RGS17: variants seen among roughly 807,000 people sequenced by gnomAD.
RGS17 encodes regulator of G protein signaling 17.
In RGS17, 12 loss-of-function variants were observed where a neutral mutation model predicts 25.5. The ratio of observed to expected loss-of-function variants is 0.47; its 90% CI spans 0.30 to 0.76. The LOEUF (loss-of-function observed/expected upper bound fraction) is 0.76. Among genes scored for constraint, RGS17 ranks in the 30% least tolerant of loss-of-function variants. The probability of loss-of-function intolerance (pLI) is 0.07; values close to 1 mark genes in which losing one functional copy is unlikely to be tolerated. For missense variants in RGS17, 196 were observed against 242.2 expected, an observed-to-expected ratio of 0.81 and a Z score of 1.27; for synonymous variants, 71 against 76.9, an observed-to-expected ratio of 0.92 and a Z score of 0.40.
At chr6:153,096,885 T>A (rs972963153) in intron 1 of RGS17, among the ~76,000 whole-genome samples, 1 of 152,154 alleles carries the variant, frequency 6.6e-6, no homozygotes, top group Non-Finnish European at 1.5e-5. Context: ...CTGAAAAACA[T>A]GGCCCAAAGT....
chr6:153,075,536 C>T (rs1050814747), intron 1 of RGS17, among the ~76,000 whole-genome samples: 3 of 152,136 alleles, frequency 2.0e-5, no homozygotes, highest in Non-Finnish European at 4.4e-5. Flanking sequence ...GTCACTGGCA[C>T]GGACTGCTGC....
At chr6:153,084,241 T>C (rs1344216543) in intron 1 of RGS17, among the ~76,000 whole-genome samples, 2 of 152,204 alleles carry the variant, frequency 1.3e-5, no homozygotes, top group Admixed American at 6.5e-5. Context: ...CTACAGTTGC[T>C]CCATTTGGGT....
chr6:153,042,280 G>A (rs946247423), intron 2 of RGS17, among the ~76,000 whole-genome samples: 9 of 152,156 alleles, frequency 5.9e-5, no homozygotes, highest in Non-Finnish European at 7.3e-5. Flanking sequence ...TGGTTTGGCC[G>A]TGTCCCCACC....
intron 1 of RGS17, among the ~76,000 whole-genome samples, chr6:153,069,590 C>T (rs1418317633): frequency 6.6e-6 from 1 of 152,088 alleles, no homozygotes; most frequent in Non-Finnish European, 1.5e-5. Context: ...CTTAATTGTA[C>T]ATTTTAAAAT....
At chr6:153,018,524 TTAA>T (rs1408836067) in intron 4 of RGS17, among the ~76,000 whole-genome samples, 1 of 152,190 alleles carries the variant, frequency 6.6e-6, no homozygotes, top group African/African-American at 2.4e-5. Context: ...TGTAAAGTAA[TTAA>T]TAATAATTGA....
At chr6:153,030,212 A>C (rs189430117) in intron 2 of RGS17, among the ~76,000 whole-genome samples, 262 of 152,298 alleles carry the variant, frequency 1.7e-3, no homozygotes, top group Non-Finnish European at 2.9e-3. Flanking sequence ...GTTTGTTTAC[A>C]GGGGAGTGTG....
chr6:153,011,780 C>G lies in RGS17; in HGVS notation c.445-18G>C, dbSNP rs766451162. Reference sequence around the variant, plus strand: ...AGACTGACCTAAAAAGAAACAAGAGCAAATACATTAAATAATATTTTTTTC... The same window carrying G: ...AGACTGACCTAAAAAGAAACAAGAGGAAATACATTAAATAATATTTTTTTC... On this transcript the variant is annotated intron_variant, in intron 4 of 4. Transcript: ENST00000206262. 1 of 1,526,652 alleles carries G rather than the reference C, an allele frequency of 6.6e-7. No homozygotes were observed. Among genetic ancestry groups the G allele is most frequent in the Non-Finnish European group, 8.8e-7 (1 of 1,140,236 alleles). The allele number at this position is 1,526,652 out of a possible 1,614,324, so 94.6% of individuals were successfully genotyped here.
rs1779073598 is a variant in RGS17 at position 153,006,322 on chromosome 6, G to T, written c.*5252C>A. ...TAATTTGATATTATTTCTGTCCTTG[G>T]GAATGTTGTTTTATTTCCTTTGGAA... On this transcript the variant is annotated 3_prime_UTR_variant, in exon 5 of 5. Transcript: ENST00000206262. 1 of 152,048 alleles carries T rather than the reference G, an allele frequency of 6.6e-6. No individual in the cohort carries two copies. The highest frequency in any genetic ancestry group is 2.1e-4 in the South Asian group (1 of 4,792). The allele number at this position is 152,048 out of a possible 1,614,324, so 9.4% of individuals were successfully genotyped here.
chr6:153,092,902 A>C (rs1777153688), intron 1 of RGS17, among the ~76,000 whole-genome samples: 1 of 152,148 alleles, frequency 6.6e-6, no homozygotes, highest in South Asian at 2.1e-4. Flanking sequence ...AACCAGTGAA[A>C]GGTGGGGGGA....
At chr6:153,060,400 C>G (rs1002825112) in intron 1 of RGS17, among the ~76,000 whole-genome samples, 4 of 152,146 alleles carry the variant, frequency 2.6e-5, no homozygotes, top group Non-Finnish European at 5.9e-5. Context: ...GGCACTTCCC[C>G]CAGAAAATCT....
chr6:153,065,736 G>C (rs1410345548), intron 1 of RGS17, among the ~76,000 whole-genome samples: 1 of 151,944 alleles, frequency 6.6e-6, no homozygotes, highest in Non-Finnish European at 1.5e-5. Flanking sequence ...AAAACAAGTG[G>C]TTATAATAAC....
chr6:153,096,009 G>A lies in RGS17; in HGVS notation c.-26+35115C>T, dbSNP rs550194404. 2.0e-5 allele frequency among the ~76,000 whole-genome samples: 3 copies of A among 152,312 alleles called. No individual in the cohort carries two copies. In the South Asian group the frequency reaches 6.2e-4, roughly 32 times the overall value. On this transcript the variant is annotated intron_variant, in intron 1 of 4. Transcript: ENST00000206262. ...AGCAGGAGTTTTCAAGGAGCAAATA[G>A]TCTTGTGGGAAGAAAGATCTGGGTA...
Position 153,054,102 on chromosome 6 carries a change from A to ATG in RGS17, c.-25-10060_-25-10059insCA, listed in dbSNP as rs1398349694. On this transcript the variant is annotated intron_variant, in intron 1 of 4. Coordinates refer to ENST00000206262, the MANE Select transcript of RGS17 (RefSeq NM_012419.5). ...TACACACAATATTTTTTATATATAT[A>ATG]TATATATATATGTGTATATATATAT... Among the ~76,000 whole-genome samples, 393 of 99,116 alleles carry ATG rather than the reference A, an allele frequency of 4.0e-3. 53 individuals carry two copies. The highest frequency in any genetic ancestry group is 0.011 in the African/African-American group (269 of 24,262). 65.0% of individuals were successfully genotyped at this position (99,116 alleles called of 152,430 possible).
chr6:153,090,583 A>G (rs1404535962), intron 1 of RGS17, among the ~76,000 whole-genome samples: 1 of 151,900 alleles, frequency 6.6e-6, no homozygotes, highest in Non-Finnish European at 1.5e-5. Flanking sequence ...GCTATGATTG[A>G]GCCACTACAC....
At chr6:153,041,327 G>A (rs985422066) in intron 2 of RGS17, among the ~76,000 whole-genome samples, 6 of 152,160 alleles carry the variant, frequency 3.9e-5, no homozygotes, top group African/African-American at 1.2e-4. Context: ...TTCCTGACAA[G>A]GGCATTGCTA....
intron 1 of RGS17, among the ~76,000 whole-genome samples, chr6:153,077,294 GA>G (rs1358842709): frequency 6.6e-6 from 1 of 152,088 alleles, no homozygotes; most frequent in African/African-American, 2.4e-5. Flanking sequence ...CTGTGTAGGG[GA>G]AAAATACAGG....
At chr6:153,027,870 G>T (rs1342362068) in intron 2 of RGS17, among the ~76,000 whole-genome samples, 1 of 152,220 alleles carries the variant, frequency 6.6e-6, no homozygotes, top group Non-Finnish European at 1.5e-5. Flanking sequence ...GGTATGGAAA[G>T]AAAGTGTTTA....
intron 2 of RGS17, among the ~76,000 whole-genome samples, chr6:153,036,213 C>T (rs532496563): frequency 5.9e-5 from 9 of 152,138 alleles, no homozygotes; most frequent in African/African-American, 2.2e-4. Flanking sequence ...TTACCACACT[C>T]GGCTAATTTT....
At position 153,024,478 on chromosome 6, in the gene RGS17, C is replaced by T. The variant is rs748547768; in HGVS notation, c.228G>A (p.Glu76=). 3 of 1,614,074 alleles carry T rather than the reference C, an allele frequency of 1.9e-6. No homozygotes were observed. Among genetic ancestry groups the T allele is most frequent in the East Asian group, 2.2e-5 (1 of 44,882 alleles). The change falls in exon 4 of 5, where the codon GAG becomes GAA. Residue 76 remains glutamate, a synonymous_variant. Coordinates refer to ENST00000206262, the MANE Select transcript of RGS17 (RefSeq NM_012419.5). The part of the protein sequence containing the change: ...VLEECQNPTA[E]EVLSWSQNFD... ...AATTTTGAGACCAGGACAAGACTTC[C>T]TCTGCAGTGGGGTTTTGGCTGCAGA...
Sources: allele counts gnomAD v4.1 joint callset (sites outside exome capture counted in the v4.1 genomes callset), GRCh38; gene constraint gnomAD v4.1.1; transcripts MANE v1.5; gene names NCBI Gene and HGNC (gene_info 2026-07-23, HGNC 2026-07-21).